Variants in PTPN3 observed in about 807,000 individuals in gnomAD.
PTPN3 encodes the protein tyrosine-protein phosphatase non-receptor type 3.
Under a neutral mutation model 132.7 loss-of-function variants are expected in PTPN3, and 96 were observed. The observed-to-expected ratio is 0.72, with a 90% CI of 0.61 to 0.86. PTPN3 has a LOEUF of 0.86. PTPN3 is among the 40% of genes least tolerant of loss of function. The pLI is 0.00. For missense variants in PTPN3, 1,125 were observed against 1,159.6 expected, an observed-to-expected ratio of 0.97 and a Z score of 0.43; for synonymous variants, 398 against 429.0, an observed-to-expected ratio of 0.93 and a Z score of 0.89.
chr9:109,454,413 C>T (rs1845452145), intron 5 of PTPN3, 83 bp downstream of exon 5: 1 of 1,170,216 alleles, frequency 8.5e-7, no homozygotes, highest in Non-Finnish European at 1.3e-6. Flanking sequence ...GTTATTTGGC[C>T]ATAGTAATAA....
chr9:109,408,985 G>A (rs998522971), intron 16 of PTPN3, among the ~76,000 whole-genome samples: 3 of 151,746 alleles, frequency 2.0e-5, no homozygotes, highest in Admixed American at 6.6e-5. Flanking sequence ...GGGCAGATGA[G>A]GCTGTGCATG....
At chr9:109,450,591 C>T in intron 5 of PTPN3, 42 of 984,866 alleles carry the variant, frequency 4.3e-5, no homozygotes, top group Non-Finnish European at 5.1e-5. Flanking sequence ...TGGAACCCAA[C>T]CCGAGCTTGG....
At chr9:109,402,888 T>C (rs1222768004) in intron 19 of PTPN3, among the ~76,000 whole-genome samples, 2 of 151,972 alleles carry the variant, frequency 1.3e-5, no homozygotes, top group Non-Finnish European at 2.9e-5. Flanking sequence ...CTGGGCAACA[T>C]GGCAAAACTG....
intron 12 of PTPN3, 24 bp from the exon 13 acceptor site, chr9:109,422,876 C>T (rs763528350): frequency 1.9e-6 from 3 of 1,607,700 alleles, no homozygotes; most frequent in African/African-American, 2.7e-5. Flanking sequence ...TGCAGGTTCA[C>T]TTTCTACACT....
At chr9:109,392,483 A>C (rs573891249) in intron 19 of PTPN3, 1 of 152,212 alleles carries the variant, frequency 6.6e-6, no homozygotes, top group African/African-American at 2.4e-5. Context: ...TATTTTCTCC[A>C]GCTTATTTTT....
rs758040466 is a variant in PTPN3, at chr9:109,452,995, C to T, written c.368+1501G>A. On this transcript the variant is annotated intron_variant, in intron 5 of 25. Transcript: ENST00000374541. ...ACCTGCTGGGCTGAGTGTTTCTATCCTATCCCCAGTTTACCAGCATAAAGA... is the reference window on the plus strand; with the variant it reads ...ACCTGCTGGGCTGAGTGTTTCTATCTTATCCCCAGTTTACCAGCATAAAGA... Among the ~76,000 whole-genome samples the T allele has an allele frequency of 4.5e-4, 69 of 152,310 alleles. 1 individual carries two copies. The highest frequency in any genetic ancestry group is 1.1e-3 in the Admixed American group (17 of 15,310).
rs117358495 is a variant in PTPN3 at position 109,430,193 on chromosome 9, C to T, written c.765-1509G>A. 9.5e-4 allele frequency among the ~76,000 whole-genome samples: 145 copies of T among 152,292 alleles called. 2 individuals are homozygous for T. The Middle Eastern group carries it at 0.014, about 14-fold the overall frequency. The stretch of plus-strand genomic sequence containing the variant: ...CCCTGAAGTCGGGGGAGTCTCCTCA[C>T]GATTCTCCTGTGCCAACTGGCAGAT... On this transcript the variant is annotated intron_variant, in intron 10 of 25. Coordinates refer to ENST00000374541, the MANE Select transcript of PTPN3 (RefSeq NM_002829.4).
intron 1 of PTPN3, among the ~76,000 whole-genome samples, chr9:109,463,883 AT>A (rs1845970187): frequency 6.6e-6 from 1 of 152,236 alleles, no homozygotes; most frequent in Non-Finnish European, 1.5e-5. Flanking sequence ...GAGAGACACC[AT>A]TTAGGGCAGC....
intron 1 of PTPN3, among the ~76,000 whole-genome samples, chr9:109,477,760 G>A (rs910795742): frequency 1.3e-5 from 2 of 152,184 alleles, no homozygotes; most frequent in Admixed American, 6.5e-5. Context: ...CTCTCCTTCC[G>A]GACCTCAGTG....
upstream of PTPN3, among the ~76,000 whole-genome samples, chr9:109,499,099 T>C (rs1317625354): frequency 2.6e-5 from 3 of 113,526 alleles, no homozygotes; most frequent in Admixed American, 8.3e-5. Flanking sequence ...GGGGAACAAA[T>C]AGACAAAAAT....
At chr9:109,451,044 A>G (rs903901507) in intron 5 of PTPN3, 215 of 404,592 alleles carry the variant, frequency 5.3e-4, no homozygotes, top group Non-Finnish European at 5.7e-4. Context: ...CATTTTTTTA[A>G]TTTTTAATTT....
intron 1 of PTPN3, among the ~76,000 whole-genome samples, chr9:109,485,459 G>C (rs975112687): frequency 2.0e-5 from 3 of 152,188 alleles, no homozygotes; most frequent in Non-Finnish European, 4.4e-5. Flanking sequence ...AGTGAGCCGA[G>C]ATTGCGCCAC....
At position 109,454,486 on chromosome 9, in the gene PTPN3, A is replaced by G. The variant is rs1483067138; in HGVS notation, c.368+10T>C. ...ACACTAAACAGAAAACTTTAAAAAA[A>G]TGTTGTTACCTGGTTTGTTCTTGCT... On this transcript the variant is annotated intron_variant, in intron 5 of 25. Coordinates refer to ENST00000374541, the MANE Select transcript of PTPN3 (RefSeq NM_002829.4). The G allele has an allele frequency of 1.9e-6, 3 of 1,607,320 alleles. No individual in the cohort carries two copies. Among genetic ancestry groups the G allele is most frequent in the Admixed American group, 1.7e-5 (1 of 59,476 alleles).
chr9:109,496,531 G>C (rs905360247), intron 1 of PTPN3, among the ~76,000 whole-genome samples: 1 of 152,178 alleles, frequency 6.6e-6, no homozygotes, highest in African/African-American at 2.4e-5. Context: ...CTGTAAAATG[G>C]GAGTGACACC....
intron 16 of PTPN3, among the ~76,000 whole-genome samples, chr9:109,409,314 C>A (rs141253707): frequency 7.5e-4 from 114 of 152,272 alleles, no homozygotes; most frequent in Middle Eastern, 6.8e-3. Context: ...CTGAGGGGTT[C>A]TCTTAATAGC....
At chr9:109,531,294 G>C in the PTPN3 span, among the ~76,000 whole-genome samples, 4 of 152,116 alleles carry the variant, frequency 2.6e-5, no homozygotes, top group Non-Finnish European at 5.9e-5. Flanking sequence ...TAACATGAAT[G>C]TTGAAAACCT....
At chr9:109,403,618 C>T (rs76744976) in intron 19 of PTPN3, among the ~76,000 whole-genome samples, 208 of 152,172 alleles carry the variant, frequency 1.4e-3, no homozygotes, top group Non-Finnish European at 2.8e-3. Flanking sequence ...GGCGGGAGGA[C>T]GGCGTGGGAC....
At chr9:109,382,250 C>T (rs1839165475) in intron 24 of PTPN3, 52 bp downstream of exon 24, 2 of 1,589,884 alleles carry the variant, frequency 1.3e-6, no homozygotes, top group Admixed American at 1.7e-5. Flanking sequence ...GTCTCCAGGC[C>T]TTTTCCGACA....
chr9:109,516,780 C>T, the PTPN3 span, among the ~76,000 whole-genome samples: 34 of 152,304 alleles, frequency 2.2e-4, no homozygotes, highest in East Asian at 6.0e-3. Context: ...ACAATGAAGA[C>T]CACCTGGCAG....
Sources: gnomAD v4.1 joint callset for allele counts (sites outside exome capture counted in the v4.1 genomes callset) on GRCh38, gnomAD v4.1.1 for gene constraint, MANE v1.5 for transcripts, NCBI Gene and HGNC (gene_info 2026-07-23, HGNC 2026-07-21) for gene names.